Variants in FARS2 observed in about 807,000 individuals in gnomAD.
FARS2 encodes phenylalanine--tRNA ligase, mitochondrial.
A neutral mutation model predicts 46.4 loss-of-function variants in FARS2; 40 were observed. The observed-to-expected ratio is 0.86, with a 90% CI of 0.67 to 1.12. The LOEUF is 1.12. FARS2 is among the 50% of genes most tolerant of loss of function. FARS2 has a pLI of 0.00. For synonymous variants in FARS2, 234 were observed against 214.9 expected (o/e 1.09, Z -0.78); for missense variants, 513 against 567.9 (o/e 0.90, Z 0.98).
intron 6 of FARS2, among the ~76,000 whole-genome samples, chr6:5,673,629 A>G (rs1418561712): frequency 6.6e-6 from 1 of 152,222 alleles, no homozygotes; most frequent in African/African-American, 2.4e-5. Context: ...GATACAAGAA[A>G]CATGGGAACT....
At chr6:5,587,299 AGTC>A (rs1773670493) in intron 5 of FARS2, among the ~76,000 whole-genome samples, 3 of 152,214 alleles carry the variant, frequency 2.0e-5, no homozygotes, top group African/African-American at 7.2e-5. Flanking sequence ...GAAGTGTTAG[AGTC>A]ACCGTTCATA....
intron 2 of FARS2, among the ~76,000 whole-genome samples, chr6:5,396,636 C>T (rs919990673): frequency 6.6e-6 from 1 of 152,146 alleles, no homozygotes; most frequent in Non-Finnish European, 1.5e-5. Flanking sequence ...TTTTTAGGCT[C>T]ACCGAAAGTG....
upstream of FARS2, chr6:5,261,233 GAGGCCGCGTTGCCCGGGTTACCGA>G (rs140478583): frequency 0.03 from 4,626 of 152,988 alleles, 130 homozygotes; most frequent in South Asian, 0.11. Flanking sequence ...CTACATCCAG[GAGGCCGCGTTGCCCGGGTTACCGA>G]AGGCCGCCGC....
intron 4 of FARS2, among the ~76,000 whole-genome samples, chr6:5,493,209 C>CAAAAAAA (rs34541325): frequency 6.5e-5 from 6 of 92,744 alleles, no homozygotes; most frequent in African/African-American, 8.4e-5. Flanking sequence ...GACTGTGTCT[C>CAAAAAAA]AAAAAAAAAA....
intron 5 of FARS2, among the ~76,000 whole-genome samples, chr6:5,600,768 A>G (rs1397598730): frequency 6.6e-6 from 1 of 152,236 alleles, no homozygotes; most frequent in Non-Finnish European, 1.5e-5. Flanking sequence ...AGGAAATGTC[A>G]TGGAAGGCAC....
intron 1 of FARS2, among the ~76,000 whole-genome samples, chr6:5,276,342 C>A (rs2145373): frequency 0.52 from 78,717 of 152,008 alleles, 20,805 homozygotes; most frequent in East Asian, 0.84. Flanking sequence ...GGTTTTTTCA[C>A]ATCATTTTAG....
chr6:5,422,766 AG>A (rs1762626869), intron 3 of FARS2, among the ~76,000 whole-genome samples: 2 of 152,216 alleles, frequency 1.3e-5, no homozygotes, highest in Admixed American at 6.5e-5. Context: ...TCAGTTACCC[AG>A]GAACACAATT....
chr6:5,585,195 T>A (rs1222291782), intron 5 of FARS2, among the ~76,000 whole-genome samples: 1 of 152,136 alleles, frequency 6.6e-6, no homozygotes, highest in Non-Finnish European at 1.5e-5. Flanking sequence ...TGACAAAAAT[T>A]TATATATTCA....
At chr6:5,401,780 G>A (rs911830951) in intron 2 of FARS2, among the ~76,000 whole-genome samples, 1 of 152,054 alleles carries the variant, frequency 6.6e-6, no homozygotes. Flanking sequence ...TTGAAAATGT[G>A]GCTTCATTGT....
chr6:5,747,471 G>C (rs144825279), intron 6 of FARS2, among the ~76,000 whole-genome samples: 7 of 152,368 alleles, frequency 4.6e-5, no homozygotes, highest in Non-Finnish European at 1.0e-4. Context: ...GATGGAGCCT[G>C]TGGGATTTGC....
At chr6:5,745,575 G>A (rs1437917042) in intron 6 of FARS2, among the ~76,000 whole-genome samples, 3 of 152,200 alleles carry the variant, frequency 2.0e-5, no homozygotes, top group African/African-American at 7.2e-5. Context: ...GTCTCACTCT[G>A]TCACCCAGGC....
intron 6 of FARS2, among the ~76,000 whole-genome samples, chr6:5,734,833 A>G (rs573405161): frequency 1.8e-4 from 28 of 152,304 alleles, no homozygotes; most frequent in South Asian, 6.2e-4. Flanking sequence ...ATACATACAT[A>G]CATGCATACA....
At chr6:5,269,826 A>G (rs948075673) in intron 1 of FARS2, among the ~76,000 whole-genome samples, 1 of 152,254 alleles carries the variant, frequency 6.6e-6, no homozygotes. Context: ...GTTATTAACA[A>G]TAGAAGATAT....
At chr6:5,553,154 T>C (rs1380694609) in intron 5 of FARS2, among the ~76,000 whole-genome samples, 2 of 152,182 alleles carry the variant, frequency 1.3e-5, no homozygotes, top group South Asian at 2.1e-4. Flanking sequence ...GTTATCTTTT[T>C]TGCCAGTTGA....
chr6:5,684,324 C>T (rs771553592), intron 6 of FARS2, among the ~76,000 whole-genome samples: 3 of 152,192 alleles, frequency 2.0e-5, no homozygotes, highest in Non-Finnish European at 1.5e-5. Context: ...ACGCCCATCA[C>T]CTGCCCAGCC....
chr6:5,697,910 A>G (rs534930171), intron 6 of FARS2, among the ~76,000 whole-genome samples: 8 of 152,246 alleles, frequency 5.3e-5, no homozygotes, highest in African/African-American at 1.9e-4. Context: ...AAAAAATCCA[A>G]TATTATTTCA....
At chr6:5,364,591 A>G (rs774709766) in intron 1 of FARS2, among the ~76,000 whole-genome samples, 39 of 152,244 alleles carry the variant, frequency 2.6e-4, no homozygotes, top group Middle Eastern at 3.2e-3. Flanking sequence ...AGCAAACTCT[A>G]TAACAGACCA....
chr6:5,591,754 C>A (rs1773930884), intron 5 of FARS2, among the ~76,000 whole-genome samples: 1 of 152,222 alleles, frequency 6.6e-6, no homozygotes, highest in Non-Finnish European at 1.5e-5. Context: ...GTGATCCTCC[C>A]AACAGATCAT....
At chr6:5,686,931 T>G (rs2150849018) in intron 6 of FARS2, among the ~76,000 whole-genome samples, 1 of 152,388 alleles carries the variant, frequency 6.6e-6, no homozygotes, top group East Asian at 1.9e-4. Context: ...GTGGTTTTGA[T>G]TTGCATTTCT....
Sources: gnomAD v4.1 joint callset for allele counts (sites outside exome capture counted in the v4.1 genomes callset) on GRCh38, gnomAD v4.1.1 for gene constraint, MANE v1.5 for transcripts, NCBI Gene and HGNC (gene_info 2026-07-23, HGNC 2026-07-21) for gene names.